RGS6: variants seen among roughly 807,000 people sequenced by gnomAD.
The protein encoded by RGS6 is regulator of G protein signaling 6.
Under a neutral mutation model 78.5 loss-of-function variants are expected in RGS6, and 30 were observed. The ratio of observed to expected loss-of-function variants is 0.38; its 90% confidence interval spans 0.29 to 0.52. The LOEUF (loss-of-function observed/expected upper bound fraction) is 0.52, where lower values mean the gene tolerates loss of function less well. Among genes scored for constraint, RGS6 ranks in the 20% least tolerant of loss-of-function variants. The pLI is 0.85. For missense variants in RGS6, 495 were observed against 609.7 expected (o/e 0.81, Z 1.98); for synonymous variants, 206 against 206.0 (o/e 1.00, Z 0.00).
chr14:72,525,334 T>C (rs1357757899), intron 15 of RGS6, among the ~76,000 whole-genome samples: 1 of 152,206 alleles, frequency 6.6e-6, no homozygotes, highest in Non-Finnish European at 1.5e-5. Context: ...CTAGGCGCTG[T>C]GAATATACAA....
At chr14:71,873,005 T>C in the RGS6 span, among the ~76,000 whole-genome samples, 13 of 152,224 alleles carry the variant, frequency 8.5e-5, no homozygotes. Context: ...TATTCCATGG[T>C]GAATATGTGC....
chr14:72,349,908 T>C (rs2078796506), intron 2 of RGS6, among the ~76,000 whole-genome samples: 1 of 152,184 alleles, frequency 6.6e-6, no homozygotes, highest in Non-Finnish European at 1.5e-5. Flanking sequence ...ATAGAAACCA[T>C]CAATGTAACT....
At chr14:72,289,175 C>T (rs1186879353) in intron 2 of RGS6, among the ~76,000 whole-genome samples, 1 of 152,164 alleles carries the variant, frequency 6.6e-6, no homozygotes, top group Non-Finnish European at 1.5e-5. Flanking sequence ...GGTAGATCCT[C>T]ATCTTTGTAT....
intron 3 of RGS6, among the ~76,000 whole-genome samples, chr14:72,414,039 T>G (rs1021855006): frequency 1.3e-5 from 2 of 152,198 alleles, no homozygotes; most frequent in African/African-American, 2.4e-5. Context: ...ATCTGACAAT[T>G]ATGTGTCTTG....
chr14:72,219,004 T>G (rs2046252634), intron 2 of RGS6, among the ~76,000 whole-genome samples: 1 of 151,770 alleles, frequency 6.6e-6, no homozygotes. Context: ...CACATGGACT[T>G]TCTCTATCAG....
chr14:72,340,194 G>A (rs1760634260), intron 2 of RGS6, among the ~76,000 whole-genome samples: 1 of 152,136 alleles, frequency 6.6e-6, no homozygotes, highest in African/African-American at 2.4e-5. Context: ...TGTGAGGAGA[G>A]TTCTCTACAC....
Position 72,122,754 on chromosome 14 carries a change from T to C in RGS6, c.84+157879T>C, listed in dbSNP as rs369039694. 2.9e-3 allele frequency among the ~76,000 whole-genome samples: 441 copies of C among 151,978 alleles called. 1 individual carries two copies. The highest frequency in any genetic ancestry group is 9.7e-3 in the African/African-American group (402 of 41,442). On this transcript the variant is annotated intron_variant, in intron 2 of 17. Coordinates refer to ENST00000553525, the MANE Select transcript of RGS6 (RefSeq NM_001204424.2). ...TCTAAGTTATCGTTTTTTTTTTTTT[T>C]TTCCATTCTATATACTCCCTAAGAA...
intron 1 of RGS6, among the ~76,000 whole-genome samples, chr14:71,953,969 G>GTTTT (rs3053026): frequency 0.29 from 22,085 of 76,108 alleles, 4,306 homozygotes; most frequent in Admixed American, 0.36. Context: ...CTAAGTGGGC[G>GTTTT]TTTTTTTTTT....
At chr14:72,276,892 T>G (rs184392929) in intron 2 of RGS6, among the ~76,000 whole-genome samples, 1 of 152,220 alleles carries the variant, frequency 6.6e-6, no homozygotes, top group Admixed American at 6.5e-5. Flanking sequence ...TGAGAAACAC[T>G]GATCTATAGT....
chr14:72,227,519 A>G (rs1481124051), intron 2 of RGS6, among the ~76,000 whole-genome samples: 2 of 152,202 alleles, frequency 1.3e-5, no homozygotes, highest in African/African-American at 2.4e-5. Context: ...GTTTTGGGCA[A>G]TAATGATTTT....
At chr14:72,216,355 C>T (rs2045564552) in intron 2 of RGS6, among the ~76,000 whole-genome samples, 2 of 152,166 alleles carry the variant, frequency 1.3e-5, no homozygotes, top group Non-Finnish European at 2.9e-5. Flanking sequence ...GTCACGGGAC[C>T]TCAGGTGTAT....
intron 2 of RGS6, among the ~76,000 whole-genome samples, chr14:72,292,317 C>T (rs949932490): frequency 1.4e-4 from 21 of 152,164 alleles, no homozygotes; most frequent in African/African-American, 4.3e-4. Context: ...TGTATCACAA[C>T]GCTCCATTTC....
the RGS6 span, among the ~76,000 whole-genome samples, chr14:71,883,665 A>G: frequency 6.6e-6 from 1 of 152,204 alleles, no homozygotes; most frequent in African/African-American, 2.4e-5. Context: ...TGCTGATAAA[A>G]CATGTTGCAG....
rs59274317 is a variant in RGS6 at position 72,001,895 on chromosome 14, C to CTTTTTTTTTTT, written c.84+37035_84+37045dup. ...TTGAAGTGTTTAGACATCCATTAATCTTTTTTTTTTTTTTTTTTTTTTTTT... is the reference window on the plus strand; with the variant it reads ...TTGAAGTGTTTAGACATCCATTAATCTTTTTTTTTTTTTTTTTTTTTTTTTTTTTTTTTTTT... On this transcript the variant is annotated intron_variant, in intron 2 of 17. Transcript: ENST00000553525. Among the ~76,000 whole-genome samples, 59 of 92,528 alleles carry CTTTTTTTTTTT rather than the reference C, an allele frequency of 6.4e-4. 2 individuals carry two copies. The highest frequency in any genetic ancestry group is 2.2e-3 in the African/African-American group (49 of 22,758). 60.7% of individuals were successfully genotyped at this position (92,528 alleles called of 152,430 possible).
At chr14:72,519,506 A>G (rs1360688369) in intron 15 of RGS6, among the ~76,000 whole-genome samples, 2 of 152,240 alleles carry the variant, frequency 1.3e-5, no homozygotes, top group East Asian at 3.8e-4. Context: ...AAATAATGGC[A>G]TGAGAACAGT....
chr14:71,992,168 C>T (rs1206017283), intron 2 of RGS6, among the ~76,000 whole-genome samples: 2 of 152,044 alleles, frequency 1.3e-5, no homozygotes, highest in African/African-American at 4.8e-5. Context: ...ATAGCTGGGA[C>T]TATAGGCCTG....
intron 17 of RGS6, 164 bp downstream of exon 17, chr14:72,540,258 G>T: frequency 1.3e-6 from 2 of 1,538,584 alleles, no homozygotes; most frequent in Non-Finnish European, 8.6e-7. Flanking sequence ...AGTGTCTGCA[G>T]CTTCTCTTCT....
At chr14:72,029,659 T>C (rs1161902737) in intron 2 of RGS6, among the ~76,000 whole-genome samples, 1 of 152,168 alleles carries the variant, frequency 6.6e-6, no homozygotes, top group Non-Finnish European at 1.5e-5. Flanking sequence ...GTGATAAATA[T>C]GTTCCAAAGC....
intron 12 of RGS6, among the ~76,000 whole-genome samples, chr14:72,488,061 C>T (rs2096522611): frequency 6.6e-6 from 1 of 152,178 alleles, no homozygotes; most frequent in Non-Finnish European, 1.5e-5. Context: ...TATGTATGCC[C>T]ATCTAATTTT....
Sources: gnomAD v4.1 joint callset for allele counts (sites outside exome capture counted in the v4.1 genomes callset) on GRCh38, gnomAD v4.1.1 for gene constraint, MANE v1.5 for transcripts, NCBI Gene and HGNC (gene_info 2026-07-23, HGNC 2026-07-21) for gene names.